The following MAP2K5 variants were observed in gnomAD, a reference collection of about 807,000 sequenced individuals.
MAP2K5 encodes mitogen-activated protein kinase kinase 5, also known as dual specificity mitogen-activated protein kinase kinase 5.
MAP2K5 carries 49 observed loss-of-function variants against 83.1 expected under a neutral mutation model. That is an observed-to-expected ratio of 0.59 (90% CI 0.47 to 0.75). The LOEUF is 0.75. Among genes scored for constraint, MAP2K5 ranks in the 30% least tolerant of loss-of-function variants. The probability of loss-of-function intolerance (pLI) is 0.00; values close to 1 mark genes in which losing one functional copy is unlikely to be tolerated. For missense variants in MAP2K5, 457 were observed against 557.5 expected (o/e 0.82, Z 1.82); for synonymous variants, 202 against 191.8 (o/e 1.05, Z -0.44).
intron 13 of MAP2K5, chr15:67,679,805 G>T (rs559985926): frequency 2.0e-5 from 3 of 152,242 alleles, no homozygotes; most frequent in Non-Finnish European, 4.4e-5. Flanking sequence ...GTGTTTTGAG[G>T]TTGATTTTTT....
intron 8 of MAP2K5, among the ~76,000 whole-genome samples, chr15:67,630,250 A>G (rs933817670): frequency 2.0e-5 from 3 of 152,214 alleles, no homozygotes; most frequent in African/African-American, 7.2e-5. Flanking sequence ...TCAGTCACTC[A>G]ATCAGATAAA....
intron 2 of MAP2K5, among the ~76,000 whole-genome samples, chr15:67,551,086 T>C (rs1294105759): frequency 1.3e-5 from 2 of 152,220 alleles, no homozygotes; most frequent in Non-Finnish European, 2.9e-5. Flanking sequence ...GGTCACTTCT[T>C]AATGTAGAAA....
chr15:67,772,105 G>A (rs933849818), intron 20 of MAP2K5, among the ~76,000 whole-genome samples: 3 of 152,204 alleles, frequency 2.0e-5, no homozygotes, highest in Non-Finnish European at 2.9e-5. Flanking sequence ...GTCCCACAGC[G>A]GTTTAATGAA....
Position 67,785,988 on chromosome 15 carries a change from A to G in MAP2K5, c.1242+13236A>G, listed in dbSNP as rs914543632. On this transcript the variant is annotated intron_variant, in intron 21 of 21. Transcript: ENST00000178640. This position sits in a 1 kb window ranked among gnomAD's most constrained non-coding sequence, Gnocchi z 4.4. ...TCTGTAAAATGGGGTAATGATACCAACTTCACAGGGGGCTTTTAGCTGTTA... is the reference window on the plus strand; with the variant it reads ...TCTGTAAAATGGGGTAATGATACCAGCTTCACAGGGGGCTTTTAGCTGTTA... Among the ~76,000 whole-genome samples, 1 of 150,984 alleles carries G rather than the reference A, an allele frequency of 6.6e-6. No individual in the cohort carries two copies. Among genetic ancestry groups the G allele is most frequent in the African/African-American group, 2.4e-5 (1 of 41,008 alleles).
Position 67,757,681 on chromosome 15 carries a change from C to A in MAP2K5, c.1134+9080C>A, listed in dbSNP as rs985735373. The stretch of plus-strand genomic sequence containing the variant: ...CAAGTAAACAGTCATATATGCAGAT[C>A]ACTAAACTGCAGGTAATGTAAGTGA... On this transcript the variant is annotated intron_variant, in intron 19 of 21. Coordinates refer to ENST00000178640, the MANE Select transcript of MAP2K5 (RefSeq NM_145160.3). The surrounding 1 kb of genome is among the most constrained non-coding windows in gnomAD (Gnocchi z 4.9). 2.0e-5 allele frequency among the ~76,000 whole-genome samples: 3 copies of A among 152,050 alleles called. No individual in the cohort carries two copies. Among genetic ancestry groups the A allele is most frequent in the Non-Finnish European group, 4.4e-5 (3 of 68,026 alleles).
At chr15:67,590,653 A>T (rs1246685152) in intron 6 of MAP2K5, among the ~76,000 whole-genome samples, 1 of 151,806 alleles carries the variant, frequency 6.6e-6, no homozygotes. Context: ...GGGCCCTACT[A>T]TGTTGCCCAG....
intron 11 of MAP2K5, among the ~76,000 whole-genome samples, chr15:67,653,368 C>G (rs2141131741): frequency 6.6e-6 from 1 of 151,808 alleles, no homozygotes; most frequent in African/African-American, 2.4e-5. Context: ...TCACAGCAAC[C>G]TCTGCCTCCT....
At chr15:67,678,569 GA>G (rs2087736301) in intron 13 of MAP2K5, among the ~76,000 whole-genome samples, 1 of 152,234 alleles carries the variant, frequency 6.6e-6, no homozygotes, top group Non-Finnish European at 1.5e-5. Context: ...CACCTGATGT[GA>G]ATAGGTCACA....
In MAP2K5 at chr15:67,720,367, C is replaced by A. The variant is rs1450099564; in HGVS notation, c.1045-7549C>A. 2.0e-5 allele frequency among the ~76,000 whole-genome samples: 3 copies of A among 151,870 alleles called. No individual in the cohort carries two copies. The highest frequency in any genetic ancestry group is 2.4e-5 in the African/African-American group (1 of 41,326). On this transcript the variant is annotated intron_variant, in intron 16 of 21. Coordinates refer to ENST00000178640, the MANE Select transcript of MAP2K5 (RefSeq NM_145160.3). The surrounding 1 kb of genome is among the most constrained non-coding windows in gnomAD (Gnocchi z 5.7). ...ATATATCTATATATATACACACTTACACACACACAAGGAAAAAAAGAAAAT... is the reference window on the plus strand; with the variant it reads ...ATATATCTATATATATACACACTTAAACACACACAAGGAAAAAAAGAAAAT...
chr15:67,695,805 T>C (rs1596811048), intron 15 of MAP2K5, among the ~76,000 whole-genome samples: 1 of 152,214 alleles, frequency 6.6e-6, no homozygotes, highest in Non-Finnish European at 1.5e-5. Flanking sequence ...CATCTGTTAA[T>C]TGAAAATGTG....
Position 67,772,711 on chromosome 15 carries a change from C to T in MAP2K5, c.1201C>T (p.Arg401Ter), listed in dbSNP as rs2141305108. 5 of 1,599,262 alleles carry T rather than the reference C, an allele frequency of 3.1e-6. No individual in the cohort carries two copies. The highest frequency in any genetic ancestry group is 3.4e-6 in the Non-Finnish European group (4 of 1,172,590). The change falls in exon 21 of 22, where the codon CGA becomes TGA. Residue 401 changes from arginine to a stop codon, truncating the protein, a stop_gained. Transcript: ENST00000178640. LOFTEE classifies it high-confidence loss of function. ...PFVHFITQCM[R>*]KQPKERPAPE... ...GTTTTTTTCTCTCCACTATAGTATG[C>T]GAAAACAGCCAAAAGAAAGGCCAGC...
chr15:67,792,265 T>C (rs542054895), intron 21 of MAP2K5, among the ~76,000 whole-genome samples: 3 of 152,334 alleles, frequency 2.0e-5, no homozygotes, highest in East Asian at 1.9e-4. Flanking sequence ...TTAATTGTTA[T>C]GAGAAGAGTA....
chr15:67,543,429 A>G lies in MAP2K5; in HGVS notation c.94A>G (p.Thr32Ala), dbSNP rs1471213104. 1.9e-6 allele frequency: 3 copies of G among 1,614,022 alleles called. No individual in the cohort carries two copies. Among genetic ancestry groups the G allele is most frequent in the Non-Finnish European group, 2.5e-6 (3 of 1,180,004 alleles). ...CCCAAATAGTGGCGCGGTGGACTGG[A>G]CAGTGCACTCCGGGCCGCAGTTACT... ...KIPNSGAVDW[T>A]VHSGPQLLFR... The change falls in exon 1 of 22, where the codon ACA becomes GCA. Residue 32 changes from threonine (T) to alanine (A), a missense_variant. Around this residue, in one of 3 missense-constraint regions of MAP2K5, gnomAD observed 234 missense variants for 243.6 expected, o/e 0.96. Coordinates refer to ENST00000178640, the MANE Select transcript of MAP2K5 (RefSeq NM_145160.3). This position sits in a 1 kb window ranked among gnomAD's most constrained non-coding sequence, Gnocchi z 4.3.
chr15:67,610,762 C>T (rs1046586540), intron 8 of MAP2K5, among the ~76,000 whole-genome samples: 3 of 152,062 alleles, frequency 2.0e-5, no homozygotes, highest in Admixed American at 1.3e-4. Flanking sequence ...GGGGGAATAG[C>T]AGTAGAGATT....
intron 13 of MAP2K5, among the ~76,000 whole-genome samples, chr15:67,682,191 A>G (rs1396431889): frequency 2.0e-5 from 3 of 152,106 alleles, no homozygotes; most frequent in Admixed American, 6.5e-5. Flanking sequence ...ACAAGAAAAA[A>G]AAATCAAATC....
chr15:67,737,486 C>T (rs950457417), intron 17 of MAP2K5, among the ~76,000 whole-genome samples: 1 of 152,070 alleles, frequency 6.6e-6, no homozygotes, highest in African/African-American at 2.4e-5. Context: ...AATTCTTCCT[C>T]AACTAAAATG....
In MAP2K5 at chr15:67,768,378, C is replaced by T. The variant is rs534180236; in HGVS notation, c.1135-1224C>T. 1.3e-5 allele frequency among the ~76,000 whole-genome samples: 2 copies of T among 152,256 alleles called. No individual in the cohort carries two copies. Among genetic ancestry groups the T allele is most frequent in the Non-Finnish European group, 1.5e-5 (1 of 68,020 alleles). On this transcript the variant is annotated intron_variant, in intron 19 of 21. Transcript: ENST00000178640. The surrounding 1 kb of genome is among the most constrained non-coding windows in gnomAD (Gnocchi z 4.0). ...CCACTACATCAAAGCTATTTCCTCT[C>T]GTTCTCAATAATGAATACATGCATG...
intron 17 of MAP2K5, among the ~76,000 whole-genome samples, chr15:67,731,526 A>T (rs1040293512): frequency 2.0e-5 from 3 of 152,174 alleles, no homozygotes; most frequent in African/African-American, 7.2e-5. Flanking sequence ...AAAAAACATG[A>T]GGAGCACAGT....
In MAP2K5 at chr15:67,724,387, T is replaced by A. The variant is rs944143739; in HGVS notation, c.1045-3529T>A. On this transcript the variant is annotated intron_variant, in intron 16 of 21. Coordinates refer to ENST00000178640, the MANE Select transcript of MAP2K5 (RefSeq NM_145160.3). This position sits in a 1 kb window ranked among gnomAD's most constrained non-coding sequence, Gnocchi z 4.4. ...ACAGCCTCGTGGAGAACTCGTTCTT[T>A]TTTATTTATTTATTTATTTATTTTT... Among the ~76,000 whole-genome samples the A allele has an allele frequency of 3.3e-5, 5 of 151,924 alleles. No individual in the cohort carries two copies. In the South Asian group the frequency reaches 6.2e-4, roughly 19 times the overall value.
Sources: allele counts gnomAD v4.1 joint callset (sites outside exome capture counted in the v4.1 genomes callset), GRCh38; gene constraint gnomAD v4.1.1; regional missense constraint gnomAD v4.1.1; non-coding constraint Gnocchi (gnomAD v3.1); transcripts MANE v1.5; gene names NCBI Gene and HGNC (gene_info 2026-07-23, HGNC 2026-07-21).